Variants in SMIM36 observed in about 807,000 individuals in gnomAD.
The protein encoded by SMIM36 is small integral membrane protein 36.
chr17:55,478,031 C>T (rs912315975), intron 3 of SMIM36, among the ~76,000 whole-genome samples: 1 of 151,484 alleles, frequency 6.6e-6, no homozygotes, highest in African/African-American at 2.4e-5. Flanking sequence ...CCTGTCTCTA[C>T]AAAAAAATAC....
chr17:55,500,884 T>TATATATTATAATATATTATATTATA lies in SMIM36; in HGVS notation c.*174+9970_*174+9994dup, dbSNP rs1364152509. Among the ~76,000 whole-genome samples, 2 of 25,850 alleles carry TATATATTATAATATATTATATTATA rather than the reference T, an allele frequency of 7.7e-5. 1 individual carries two copies. The highest frequency in any genetic ancestry group is 1.0e-4 in the Non-Finnish European group (2 of 19,930). The allele number at this position is 25,850 out of a possible 152,430, so 17.0% of individuals were successfully genotyped here. A position where few individuals can be genotyped will look rare whatever the true frequency, so the allele number is the denominator to read the frequency against. On this transcript the variant is annotated intron_variant, in intron 1 of 4. Coordinates refer to ENST00000636752, the Ensembl canonical transcript of SMIM36. Reference sequence around the variant, plus strand: ...TATTATAATATATTATATTTTATAATATATATTATAATATATTATATTATA... The same window carrying TATATATTATAATATATTATATTATA: ...TATTATAATATATTATATTTTATAATATATATTATAATATATTATATTATAATATATTATAATATATTATATTATA...
the SMIM36 span, among the ~76,000 whole-genome samples, chr17:55,522,405 TATAAA>T: frequency 6.6e-6 from 1 of 152,184 alleles, no homozygotes; most frequent in African/African-American, 2.4e-5. Context: ...CTGGATAACT[TATAAA>T]GGAAAGAGGT....
Position 55,499,454 on chromosome 17 carries a change from C to T in SMIM36, c.*174+11425G>A, listed in dbSNP as rs555631096. Among the ~76,000 whole-genome samples, 7 of 152,264 alleles carry T rather than the reference C, an allele frequency of 4.6e-5. No homozygotes were observed. In the South Asian group the frequency reaches 1.2e-3, roughly 27 times the overall value. ...ACTCGAGCTGTTCTATGAGCCTCTA[C>T]TTCTTAATCTTTGAACTAGTTTTAG... On this transcript the variant is annotated intron_variant, in intron 1 of 4. Transcript: ENST00000636752.
Position 55,454,547 on chromosome 17 carries a change from T to C in SMIM36, c.*532-4249A>G, listed in dbSNP as rs549536593. ...AAATTTTTAATGTTAATTTAACAAC[T>C]GGGGATAACCACTCATTAACATTTT... On this transcript the variant is annotated intron_variant, in intron 4 of 4. Coordinates refer to ENST00000636752, the Ensembl canonical transcript of SMIM36. Among the ~76,000 whole-genome samples the C allele has an allele frequency of 2.5e-3, 382 of 152,324 alleles. 1 individual carries two copies. The highest frequency in any genetic ancestry group is 8.9e-3 in the African/African-American group (368 of 41,576).
At chr17:55,484,056 T>A (rs964674772) in intron 1 of SMIM36, among the ~76,000 whole-genome samples, 3 of 152,212 alleles carry the variant, frequency 2.0e-5, no homozygotes, top group East Asian at 1.9e-4. Flanking sequence ...GAGGATAATT[T>A]ATTTTATAAA....
chr17:55,452,548 C>T (rs759694099), intron 4 of SMIM36, among the ~76,000 whole-genome samples: 15 of 152,114 alleles, frequency 9.9e-5, no homozygotes, highest in African/African-American at 2.4e-4. Flanking sequence ...GGAGTTTGAC[C>T]GTGAGTCTGG....
intron 3 of SMIM36, among the ~76,000 whole-genome samples, chr17:55,472,732 G>T (rs764235405): frequency 1.4e-4 from 22 of 152,192 alleles, no homozygotes; most frequent in Middle Eastern, 3.4e-3. Context: ...TTAGCCAGGT[G>T]TGGTGGCGGA....
chr17:55,491,321 A>G (rs1207461690), intron 1 of SMIM36, among the ~76,000 whole-genome samples: 1 of 151,580 alleles, frequency 6.6e-6, no homozygotes, highest in Non-Finnish European at 1.5e-5. Flanking sequence ...GAAAATAATC[A>G]CACAAATGCT....
chr17:55,493,240 T>A (rs1451531716), intron 1 of SMIM36, among the ~76,000 whole-genome samples: 1 of 152,196 alleles, frequency 6.6e-6, no homozygotes, highest in Non-Finnish European at 1.5e-5. Context: ...GGGTCAAACA[T>A]GCCATAGCCA....
chr17:55,470,454 C>G (rs763028024), intron 3 of SMIM36, among the ~76,000 whole-genome samples: 16 of 152,230 alleles, frequency 1.1e-4, no homozygotes, highest in Non-Finnish European at 2.1e-4. Flanking sequence ...TTTTCAAGGG[C>G]CTGTTTCCCT....
At chr17:55,520,184 G>C in the SMIM36 span, among the ~76,000 whole-genome samples, 3 of 152,050 alleles carry the variant, frequency 2.0e-5, no homozygotes, top group Non-Finnish European at 4.4e-5. Context: ...CTTCTCCTCT[G>C]TGTGTGTAAA....
intron 4 of SMIM36, among the ~76,000 whole-genome samples, chr17:55,455,981 G>C (rs1008939604): frequency 1.3e-5 from 2 of 151,420 alleles, no homozygotes; most frequent in Admixed American, 6.6e-5. Flanking sequence ...AGCTGAGTGT[G>C]GTAGGACGCA....
intron 1 of SMIM36, among the ~76,000 whole-genome samples, chr17:55,504,681 C>T (rs1351439433): frequency 1.2e-5 from 1 of 86,058 alleles, no homozygotes; most frequent in Non-Finnish European, 2.1e-5. Flanking sequence ...AAAGCAAGAG[C>T]AAACACATTC....
At chr17:55,492,233 T>C (rs1168340125) in intron 1 of SMIM36, among the ~76,000 whole-genome samples, 2 of 90,478 alleles carry the variant, frequency 2.2e-5, no homozygotes, top group African/African-American at 1.5e-4. Flanking sequence ...TCTTTTCTTT[T>C]CTTTCTTTCT....
At chr17:55,450,253 G>A (rs1213969229) in exon 5 of SMIM36, 2 of 152,184 alleles carry the variant, frequency 1.3e-5, no homozygotes, top group Non-Finnish European at 2.9e-5. Context: ...GCAGCCTTCG[G>A]AGGGAGTACA....
rs185629083 is a variant in SMIM36 at position 55,472,000 on chromosome 17, C to A, written c.*348-4672G>T. Among the ~76,000 whole-genome samples, 10 of 152,302 alleles carry A rather than the reference C, an allele frequency of 6.6e-5. No homozygotes were observed. The East Asian group carries it at 1.2e-3, about 18-fold the overall frequency. ...GTCATATTTATTGTCTGCCCCTCGA[C>A]TCCTCCAGCTCTATTCACTTTTTGT... On this transcript the variant is annotated intron_variant, in intron 3 of 4. Transcript: ENST00000636752.
chr17:55,492,234 C>CT (rs1909719567), intron 1 of SMIM36, among the ~76,000 whole-genome samples: 5 of 88,078 alleles, frequency 5.7e-5, no homozygotes, highest in Admixed American at 1.2e-4. Context: ...CTTTTCTTTT[C>CT]TTTCTTTCTT....
chr17:55,510,803 C>T (rs1299201582), intron 1 of SMIM36, 76 bp downstream of exon 1: 1 of 274,280 alleles, frequency 3.6e-6, no homozygotes, highest in South Asian at 1.7e-4. Context: ...TACCAGTAAC[C>T]AACTTCATTA....
At chr17:55,469,655 G>A (rs903380356) in intron 3 of SMIM36, among the ~76,000 whole-genome samples, 7 of 152,158 alleles carry the variant, frequency 4.6e-5, no homozygotes, top group Admixed American at 6.6e-5. Flanking sequence ...CCTCCACTGT[G>A]AGAAAAACCC....
Sources: allele counts gnomAD v4.1 joint callset (sites outside exome capture counted in the v4.1 genomes callset), GRCh38; gene constraint gnomAD v4.1.1; transcripts MANE v1.5; gene names NCBI Gene and HGNC (gene_info 2026-07-23, HGNC 2026-07-21).